The following HPSE2 variants were observed in gnomAD, a reference collection of about 807,000 sequenced individuals.
HPSE2 encodes the protein heparanase 2 (inactive).
A neutral mutation model predicts 60.5 loss-of-function variants in HPSE2; 38 were observed. The ratio of observed to expected loss-of-function variants is 0.63; its 90% confidence interval spans 0.48 to 0.82. HPSE2 has a LOEUF of 0.82. Among genes scored for constraint, HPSE2 ranks in the 40% least tolerant of loss-of-function variants. The probability of loss-of-function intolerance (pLI) is 0.00; values close to 1 mark genes in which losing one functional copy is unlikely to be tolerated. For synonymous variants in HPSE2, 295 were observed against 293.2 expected, an observed-to-expected ratio of 1.01 and a Z score of -0.06; for missense variants, 713 against 740.4, an observed-to-expected ratio of 0.96 and a Z score of 0.43.
At chr10:98,960,646 T>C (rs1280489264) in intron 3 of HPSE2, among the ~76,000 whole-genome samples, 2 of 149,628 alleles carry the variant, frequency 1.3e-5, no homozygotes, top group Non-Finnish European at 3.0e-5. Flanking sequence ...CTTGTTTGTA[T>C]ATCTAATACA....
Position 98,933,410 on chromosome 10 carries a change from A to G in HPSE2, c.611-189354T>C, listed in dbSNP as rs371434746. 1.3e-4 allele frequency among the ~76,000 whole-genome samples: 19 copies of G among 144,442 alleles called. 3 individuals carry two copies. Among genetic ancestry groups the G allele is most frequent in the African/African-American group, 4.8e-4 (17 of 35,704 alleles). 94.8% of individuals were successfully genotyped at this position (144,442 alleles called of 152,430 possible). On this transcript the variant is annotated intron_variant, in intron 3 of 11. Coordinates refer to ENST00000370552, the MANE Select transcript of HPSE2 (RefSeq NM_021828.5). ...TTTAGAATAAGTGCCATGTGGCACC[A>G]AAAAGAAATGTATATTCTGTTGTTT...
intron 9 of HPSE2, among the ~76,000 whole-genome samples, chr10:98,522,370 C>T (rs1942825115): frequency 6.6e-6 from 1 of 151,872 alleles, no homozygotes; most frequent in South Asian, 2.1e-4. Context: ...AGGTACTTTG[C>T]TGTTTATGAA....
At chr10:98,748,755 CA>C (rs1165934084) in intron 3 of HPSE2, among the ~76,000 whole-genome samples, 1 of 151,694 alleles carries the variant, frequency 6.6e-6, no homozygotes, top group Non-Finnish European at 1.5e-5. Flanking sequence ...ACAACAACAA[CA>C]ACAAAAAGAG....
intron 2 of HPSE2, among the ~76,000 whole-genome samples, chr10:99,194,497 G>C (rs1848325954): frequency 6.7e-6 from 1 of 149,358 alleles, no homozygotes; most frequent in Admixed American, 6.7e-5. Context: ...TTTCTGAAAA[G>C]ACAAACAAAA....
chr10:99,276,465 CT>C, the HPSE2 span, among the ~76,000 whole-genome samples: 2 of 152,178 alleles, frequency 1.3e-5, no homozygotes, highest in Admixed American at 6.5e-5. Flanking sequence ...ACATTAATCT[CT>C]TTCATATATA....
intron 3 of HPSE2, among the ~76,000 whole-genome samples, chr10:98,849,226 C>T (rs911848973): frequency 6.6e-6 from 1 of 152,134 alleles, no homozygotes; most frequent in African/African-American, 2.4e-5. Flanking sequence ...CCTTCCTTCC[C>T]TCCCAGTTAA....
At chr10:98,536,270 G>A (rs907068320) in intron 9 of HPSE2, among the ~76,000 whole-genome samples, 1 of 152,178 alleles carries the variant, frequency 6.6e-6, no homozygotes, top group African/African-American at 2.4e-5. Flanking sequence ...GAGTCATGGT[G>A]GAGCTGAAAG....
intron 3 of HPSE2, among the ~76,000 whole-genome samples, chr10:98,943,312 G>T (rs572056633): frequency 2.0e-5 from 3 of 151,398 alleles, no homozygotes; most frequent in Non-Finnish European, 4.4e-5. Flanking sequence ...TAAAGGATGA[G>T]GGTAAAAATG....
intron 3 of HPSE2, among the ~76,000 whole-genome samples, chr10:99,000,790 C>A (rs1019187113): frequency 6.6e-6 from 1 of 152,020 alleles, no homozygotes; most frequent in Non-Finnish European, 1.5e-5. Context: ...CTTAATGTCT[C>A]TAGGAGAACT....
chr10:98,507,362 T>C (rs1273313001), intron 9 of HPSE2, among the ~76,000 whole-genome samples: 5 of 152,138 alleles, frequency 3.3e-5, no homozygotes, highest in Admixed American at 1.3e-4. Flanking sequence ...TTTTATATTA[T>C]TTGTTTATCA....
At chr10:98,807,075 G>T (rs1194151702) in intron 3 of HPSE2, among the ~76,000 whole-genome samples, 1 of 152,090 alleles carries the variant, frequency 6.6e-6, no homozygotes, top group Non-Finnish European at 1.5e-5. Flanking sequence ...CCCAGGAGGT[G>T]GATGTTGCAG....
rs181486912 is a variant in HPSE2, at chr10:98,562,380, C to A, written c.1320+52524G>T. Reference sequence around the variant, plus strand: ...ATCCTGTTGGATCCTCACAGACAGCCTCTGAGAGCATGGAAAGGCAGAGAT... The same window carrying A: ...ATCCTGTTGGATCCTCACAGACAGCATCTGAGAGCATGGAAAGGCAGAGAT... On this transcript the variant is annotated intron_variant, in intron 9 of 11. Coordinates refer to ENST00000370552, the MANE Select transcript of HPSE2 (RefSeq NM_021828.5). Among the ~76,000 whole-genome samples the A allele has an allele frequency of 2.3e-3, 356 of 152,272 alleles. 1 individual carries two copies. The highest frequency in any genetic ancestry group is 8.1e-3 in the African/African-American group (336 of 41,550).
intron 3 of HPSE2, among the ~76,000 whole-genome samples, chr10:98,951,560 T>C (rs1298840323): frequency 6.6e-6 from 1 of 152,194 alleles, no homozygotes; most frequent in African/African-American, 2.4e-5. Context: ...CCTAGTGTAG[T>C]TGACTTCAAA....
intron 11 of HPSE2, among the ~76,000 whole-genome samples, chr10:98,473,104 G>A (rs1340850869): frequency 6.6e-6 from 1 of 152,128 alleles, no homozygotes; most frequent in African/African-American, 2.4e-5. Context: ...TTACTATATT[G>A]TGTTAGTGAG....
At position 98,679,652 on chromosome 10, in the gene HPSE2, G is replaced by A. The variant is rs1237535089; in HGVS notation, c.1004+14248C>T. 2.0e-5 allele frequency among the ~76,000 whole-genome samples: 3 copies of A among 151,896 alleles called. No homozygotes were observed. In the South Asian group the frequency reaches 6.2e-4, roughly 32 times the overall value. ...ATTTTGAAGTCCTAATGTTTTTCTT[G>A]TGCCTACATGGAAATAAGAACACTT... is the stretch of plus-strand genomic sequence containing the variant. On this transcript the variant is annotated intron_variant, in intron 6 of 11. Transcript: ENST00000370552.
intron 2 of HPSE2, among the ~76,000 whole-genome samples, chr10:99,202,778 G>A (rs1441334240): frequency 6.6e-6 from 1 of 151,990 alleles, no homozygotes; most frequent in Non-Finnish European, 1.5e-5. Context: ...ACACACAAAC[G>A]AACCTTCACA....
chr10:99,187,818 A>G (rs529502401), intron 2 of HPSE2, among the ~76,000 whole-genome samples: 1 of 152,356 alleles, frequency 6.6e-6, no homozygotes. Flanking sequence ...GCACTTGGGG[A>G]AAAAGTTTGG....
chr10:98,691,706 A>C (rs1948081608), intron 6 of HPSE2, among the ~76,000 whole-genome samples: 2 of 152,214 alleles, frequency 1.3e-5, no homozygotes, highest in Non-Finnish European at 2.9e-5. Flanking sequence ...TAGTTAAGAC[A>C]ATAACCCTTG....
chr10:98,623,355 T>G (rs185474555), intron 7 of HPSE2, among the ~76,000 whole-genome samples: 53 of 152,008 alleles, frequency 3.5e-4, no homozygotes, highest in Non-Finnish European at 6.2e-4. Flanking sequence ...GAAAGGAGAG[T>G]GATTGCTAAT....
Sources: allele counts gnomAD v4.1 joint callset (sites outside exome capture counted in the v4.1 genomes callset), GRCh38; gene constraint gnomAD v4.1.1; transcripts MANE v1.5; gene names NCBI Gene and HGNC (gene_info 2026-07-23, HGNC 2026-07-21).